The following MTHFSD variants were observed in gnomAD, a reference collection of about 807,000 sequenced individuals.
The protein encoded by MTHFSD is methenyltetrahydrofolate synthase domain-containing protein.
Under a neutral mutation model 31.1 loss-of-function variants are expected in MTHFSD, and 37 were observed. That is an observed-to-expected ratio of 1.19 (90% CI 0.91 to 1.56). The LOEUF (loss-of-function observed/expected upper bound fraction) is 1.56. Among genes scored for constraint, MTHFSD ranks in the 40% most tolerant of loss-of-function variants. MTHFSD has a pLI of 0.00. For missense variants in MTHFSD, 664 were observed against 510.1 expected (o/e 1.30, Z -2.91); for synonymous variants, 221 against 206.9 (o/e 1.07, Z -0.59).
At chr16:86,533,964 G>A (rs1353559664) in intron 7 of MTHFSD, among the ~76,000 whole-genome samples, 1 of 152,212 alleles carries the variant, frequency 6.6e-6, no homozygotes, top group African/African-American at 2.4e-5. Flanking sequence ...TTTGGTCAGA[G>A]TCCTCTGTGG....
At chr16:86,545,635 C>T (rs1972178979) in intron 5 of MTHFSD, among the ~76,000 whole-genome samples, 1 of 152,096 alleles carries the variant, frequency 6.6e-6, no homozygotes, top group Non-Finnish European at 1.5e-5. Context: ...GAGGAGATGC[C>T]CCCTCCAGGC....
In MTHFSD at chr16:86,542,527, T is replaced by C. The variant is rs1488192140; in HGVS notation, c.443-314A>G. On this transcript the variant is annotated intron_variant, in intron 5 of 7. Transcript: ENST00000360900. This position sits in a 1 kb window ranked among gnomAD's most constrained non-coding sequence, Gnocchi z 4.6. ...GTCAGCTTTATGTTAGCAAGACTCA[T>C]ACTTAAAAAGAATGAAAAGAGCAGT... 1.2e-5 allele frequency: 3 copies of C among 252,026 alleles called. No homozygotes were observed. The highest frequency in any genetic ancestry group is 5.3e-5 in the Admixed American group (1 of 18,706). The allele number at this position is 252,026 out of a possible 1,614,324, so 15.6% of individuals were successfully genotyped here.
At chr16:86,554,258 G>A (rs1430530562) in intron 2 of MTHFSD, among the ~76,000 whole-genome samples, 24 of 152,196 alleles carry the variant, frequency 1.6e-4, no homozygotes, top group Non-Finnish European at 5.9e-5. Flanking sequence ...AGCAAAGACC[G>A]TGAACCCACC....
intron 7 of MTHFSD, among the ~76,000 whole-genome samples, chr16:86,539,879 T>C (rs1223814909): frequency 3.3e-5 from 5 of 152,178 alleles, no homozygotes; most frequent in African/African-American, 1.2e-4. Flanking sequence ...GCATCCCAGA[T>C]ATTCCAGTAA....
chr16:86,539,575 A>G (rs1971196763), intron 7 of MTHFSD, among the ~76,000 whole-genome samples: 1 of 152,174 alleles, frequency 6.6e-6, no homozygotes, highest in Non-Finnish European at 1.5e-5. Flanking sequence ...TGACTGCTAA[A>G]CTCAGCAATA....
rs1489876663 is a variant in MTHFSD at position 86,542,500 on chromosome 16, A to G, written c.443-287T>C. On this transcript the variant is annotated intron_variant, in intron 5 of 7. Coordinates refer to ENST00000360900, the MANE Select transcript of MTHFSD (RefSeq NM_001159377.2). This position sits in a 1 kb window ranked among gnomAD's most constrained non-coding sequence, Gnocchi z 4.6. ...TCACAAAGGGAAACAGATCACACTC[A>G]TGTCAGCTTTATGTTAGCAAGACTC... 1 of 342,908 alleles carries G rather than the reference A, an allele frequency of 2.9e-6. No homozygotes were observed. Among genetic ancestry groups the G allele is most frequent in the African/African-American group, 2.1e-5 (1 of 47,058 alleles). The allele number at this position is 342,908 out of a possible 1,614,324, so 21.2% of individuals were successfully genotyped here. A position where few individuals can be genotyped will look rare whatever the true frequency, so the allele number is the denominator to read the frequency against.
In MTHFSD at chr16:86,540,259, G is replaced by C. The variant is rs375823222; in HGVS notation, c.681+1438C>G. Among the ~76,000 whole-genome samples, 25 of 152,332 alleles carry C rather than the reference G, an allele frequency of 1.6e-4. 1 individual carries two copies. The East Asian group carries it at 4.8e-3, about 29-fold the overall frequency. ...TGAAAAGTCTGAGATTCTTGCTGAGGCCTCATAAACAGTGACTTTCCTGGA... is the reference window on the plus strand; with the variant it reads ...TGAAAAGTCTGAGATTCTTGCTGAGCCCTCATAAACAGTGACTTTCCTGGA... On this transcript the variant is annotated intron_variant, in intron 7 of 7. Coordinates refer to ENST00000360900, the MANE Select transcript of MTHFSD (RefSeq NM_001159377.2).
At chr16:86,547,396 G>C (rs1190087923) in intron 4 of MTHFSD, 1 of 985,556 alleles carries the variant, frequency 1.0e-6, no homozygotes, top group Non-Finnish European at 1.2e-6. Flanking sequence ...ATTCGATGTG[G>C]CGGTGGGATC....
chr16:86,546,443 G>C (rs2143733621), intron 5 of MTHFSD, 116 bp downstream of exon 5: 2 of 885,636 alleles, frequency 2.3e-6, no homozygotes, highest in Non-Finnish European at 3.8e-6. Flanking sequence ...CGGAGACCAG[G>C]TAAGCGCATC....
rs1172236889 is a variant in MTHFSD at position 86,548,348 on chromosome 16, T to C, written c.351+116A>G. ...CTTGAATACTTTAATATCTCTGTTC[T>C]TTTGGCTCTGTTAAAAATGAATTCC... On this transcript the variant is annotated intron_variant, in intron 4 of 7. Transcript: ENST00000360900. 7 of 972,654 alleles carry C rather than the reference T, an allele frequency of 7.2e-6. No homozygotes were observed. The East Asian group carries it at 1.5e-4, about 20-fold the overall frequency. 60.3% of individuals were successfully genotyped at this position (972,654 alleles called of 1,614,324 possible). A position where few individuals can be genotyped will look rare whatever the true frequency, so the allele number is the denominator to read the frequency against.
At position 86,531,031 on chromosome 16, in the gene MTHFSD, GC is replaced by G. The variant is rs1466748218; in HGVS notation, c.*979del. 6.6e-6 allele frequency: 1 copy of G among 152,160 alleles called. No homozygotes were observed. Among genetic ancestry groups the G allele is most frequent in the African/African-American group, 2.4e-5 (1 of 41,408 alleles). The allele number at this position is 152,160 out of a possible 1,614,324, so 9.4% of individuals were successfully genotyped here. On this transcript the variant is annotated 3_prime_UTR_variant, in exon 8 of 8. Coordinates refer to ENST00000360900, the MANE Select transcript of MTHFSD (RefSeq NM_001159377.2). The surrounding 1 kb of genome is among the most constrained non-coding windows in gnomAD (Gnocchi z 5.5). Reference sequence around the variant, plus strand: ...CATTTTCTTGAAAGCGCGTGCACGGGCCGCCCTCTCGAGGCATCGTAATGTG... The same window carrying G: ...CATTTTCTTGAAAGCGCGTGCACGGGCGCCCTCTCGAGGCATCGTAATGTG...
chr16:86,539,708 C>T (rs73270594), intron 7 of MTHFSD, among the ~76,000 whole-genome samples: 1 of 152,076 alleles, frequency 6.6e-6, no homozygotes, highest in African/African-American at 2.4e-5. Flanking sequence ...TCAAACAGAG[C>T]GTGTATTAGA....
At chr16:86,555,021 C>T (rs764026646) in intron 1 of MTHFSD, 148 bp downstream of exon 1, 4 of 1,432,082 alleles carry the variant, frequency 2.8e-6, no homozygotes, top group Non-Finnish European at 3.7e-6. Context: ...CGACCCGAAC[C>T]CAGCACAGAC....
At chr16:86,550,606 T>C (rs908453554) in intron 3 of MTHFSD, among the ~76,000 whole-genome samples, 5 of 152,216 alleles carry the variant, frequency 3.3e-5, no homozygotes, top group Non-Finnish European at 5.9e-5. Context: ...GGAGCAGAGA[T>C]GGCTCCCATA....
intron 1 of MTHFSD, 162 bp from the exon 2 acceptor site, chr16:86,554,913 C>T: frequency 9.2e-7 from 1 of 1,089,660 alleles, no homozygotes; most frequent in Non-Finnish European, 1.3e-6. Context: ...CACGGGCTCC[C>T]CCACGTGCAC....
In MTHFSD at chr16:86,552,169, T is replaced by G. The variant is rs57607537; in HGVS notation, c.124-23A>C. 2.2e-4 allele frequency: 362 copies of G among 1,614,114 alleles called. No homozygotes were observed. The African/African-American group carries it at 4.5e-3, about 20-fold the overall frequency. ...CCCCTAGTTAGGCAAATAGACAGAGTTGCACTTACTTCAAGGACGAAGAAG... is the reference window on the plus strand; with the variant it reads ...CCCCTAGTTAGGCAAATAGACAGAGGTGCACTTACTTCAAGGACGAAGAAG... On this transcript the variant is annotated intron_variant, in intron 2 of 7. Transcript: ENST00000360900.
chr16:86,540,966 G>A, intron 7 of MTHFSD: 1 of 1,171,710 alleles, frequency 8.5e-7, no homozygotes, highest in Non-Finnish European at 1.1e-6. Context: ...AGGTGATGTT[G>A]TTAATTTTCC....
intron 2 of MTHFSD, among the ~76,000 whole-genome samples, chr16:86,552,629 T>G (rs571141757): frequency 6.6e-6 from 1 of 152,334 alleles, no homozygotes; most frequent in African/African-American, 2.4e-5. Context: ...TTGATTCGTT[T>G]TTTAAAGATT....
At chr16:86,546,035 G>T (rs2143721925) in intron 5 of MTHFSD, among the ~76,000 whole-genome samples, 1 of 152,358 alleles carries the variant, frequency 6.6e-6, no homozygotes, top group Admixed American at 6.5e-5. Context: ...ACCGAGAGCA[G>T]CCTGCCTCAC....
Sources: allele counts gnomAD v4.1 joint callset (sites outside exome capture counted in the v4.1 genomes callset), GRCh38; gene constraint gnomAD v4.1.1; non-coding constraint Gnocchi (gnomAD v3.1); transcripts MANE v1.5; gene names NCBI Gene and HGNC (gene_info 2026-07-23, HGNC 2026-07-21).